Variants in TGDS observed in about 807,000 individuals in gnomAD.
TGDS encodes UDP-D-glucose 4,6-dehydratase.
Under a neutral mutation model 52.3 loss-of-function variants are expected in TGDS, and 47 were observed. The ratio of observed to expected loss-of-function variants is 0.90; its 90% CI spans 0.71 to 1.15. The LOEUF is 1.15. Among genes scored for constraint, TGDS ranks in the 50% most tolerant of loss-of-function variants. The probability of loss-of-function intolerance (pLI) is 0.00; values close to 1 mark genes in which losing one functional copy is unlikely to be tolerated. For missense variants in TGDS, 375 were observed against 418.4 expected (o/e 0.90, Z 0.90); for synonymous variants, 115 against 136.9 (o/e 0.84, Z 1.12).
chr13:94,581,684 T>C (rs1888799688), intron 5 of TGDS, among the ~76,000 whole-genome samples: 1 of 152,218 alleles, frequency 6.6e-6, no homozygotes, highest in Non-Finnish European at 1.5e-5. Flanking sequence ...GGAAGCAGAA[T>C]TGAAAATTGA....
At chr13:94,579,708 T>C (rs765658054) in intron 7 of TGDS, 186 bp downstream of exon 7, 3 of 463,224 alleles carry the variant, frequency 6.5e-6, no homozygotes, top group Non-Finnish European at 7.6e-6. Flanking sequence ...TCAGCCAGCT[T>C]GAGACTTAAA....
chr13:94,583,424 T>C (rs982526231), intron 4 of TGDS, among the ~76,000 whole-genome samples, 188 bp from the exon 5 acceptor site: 1 of 152,230 alleles, frequency 6.6e-6, no homozygotes, highest in African/African-American at 2.4e-5. Context: ...ACATAGTACA[T>C]GTAAATTCTC....
chr13:94,583,836 C>T (rs888164247), intron 4 of TGDS, among the ~76,000 whole-genome samples: 1 of 152,018 alleles, frequency 6.6e-6, no homozygotes, highest in Non-Finnish European at 1.5e-5. Context: ...GGGTTAGTAT[C>T]GTCAATTTAT....
rs1888596898 is a variant in TGDS at position 94,576,337 on chromosome 13, C to T, written c.959G>A (p.Trp320Ter). 2.5e-6 allele frequency: 4 copies of T among 1,601,834 alleles called. No individual in the cohort carries two copies. Among genetic ancestry groups the T allele is most frequent in the Non-Finnish European group, 3.4e-6 (4 of 1,174,364 alleles). The stretch of plus-strand genomic sequence containing the variant: ...ACTTGTTTTCTTTATTCCTTCTTTC[C>T]AAGGCACTTTAGGTCTCCATCCTAA... ...HGLGWRPKVP[W>*]KEGIKKTIEW... Residue 320 changes from tryptophan to a stop codon, truncating the protein, a stop_gained, in exon 11 of 12, where the codon TGG becomes TAG. Transcript: ENST00000261296. LOFTEE classifies it high-confidence loss of function.
intron 4 of TGDS, among the ~76,000 whole-genome samples, chr13:94,583,607 A>G (rs1217357412): frequency 6.6e-6 from 1 of 152,200 alleles, no homozygotes; most frequent in Non-Finnish European, 1.5e-5. Flanking sequence ...TAAATGCTGA[A>G]TGAGTTATTT....
intron 10 of TGDS, among the ~76,000 whole-genome samples, chr13:94,576,995 G>A (rs1888624101): frequency 6.6e-6 from 1 of 151,970 alleles, no homozygotes; most frequent in South Asian, 2.1e-4. Context: ...CAGCTACTCG[G>A]GAGGCTGAGG....
chr13:94,586,940 T>A (rs1013859354), intron 4 of TGDS, among the ~76,000 whole-genome samples: 4 of 151,908 alleles, frequency 2.6e-5, no homozygotes, highest in African/African-American at 4.8e-5. Flanking sequence ...TTTATTATTA[T>A]TTTTTGTACA....
chr13:94,583,066 A>C (rs748054538), intron 5 of TGDS, 28 bp downstream of exon 5: 16 of 1,607,068 alleles, frequency 1.0e-5, no homozygotes, highest in Non-Finnish European at 1.3e-5. Flanking sequence ...ATGGTTAAGT[A>C]GGTAAAATAT....
chr13:94,583,464 A>G (rs541646203), intron 4 of TGDS, among the ~76,000 whole-genome samples: 70 of 152,232 alleles, frequency 4.6e-4, no homozygotes, highest in Non-Finnish European at 7.6e-4. Flanking sequence ...TTAAATTTGC[A>G]GGAAAGTTTT....
At chr13:94,595,645 T>G (rs1889347796) in intron 1 of TGDS, among the ~76,000 whole-genome samples, 1 of 152,194 alleles carries the variant, frequency 6.6e-6, no homozygotes, top group African/African-American at 2.4e-5. Flanking sequence ...GTTTGCTGAT[T>G]ACATAGATGT....
intron 9 of TGDS, among the ~76,000 whole-genome samples, chr13:94,577,690 T>G (rs1313578626): frequency 1.3e-5 from 2 of 152,186 alleles, no homozygotes; most frequent in African/African-American, 4.8e-5. Flanking sequence ...CTAATATACA[T>G]GGACATTCAT....
At chr13:94,587,853 C>T (rs1322670407) in intron 4 of TGDS, among the ~76,000 whole-genome samples, 8 of 151,048 alleles carry the variant, frequency 5.3e-5, no homozygotes, top group Non-Finnish European at 1.0e-4. Context: ...AAAAATTAGC[C>T]GGGTGTGGTG....
At chr13:94,592,834 C>G (rs1889253269) in intron 2 of TGDS, among the ~76,000 whole-genome samples, 1 of 152,068 alleles carries the variant, frequency 6.6e-6, no homozygotes, top group East Asian at 1.9e-4. Context: ...CAAAACAAAA[C>G]AAAAACCTTT....
intron 6 of TGDS, among the ~76,000 whole-genome samples, chr13:94,580,663 C>T (rs925578906): frequency 6.6e-6 from 1 of 152,178 alleles, no homozygotes; most frequent in Non-Finnish European, 1.5e-5. Flanking sequence ...ATAGCTGTAA[C>T]ACTCTACCTA....
intron 4 of TGDS, among the ~76,000 whole-genome samples, chr13:94,590,137 T>C (rs934811654): frequency 2.0e-5 from 3 of 148,690 alleles, no homozygotes; most frequent in Non-Finnish European, 4.5e-5. Context: ...TACATCGATT[T>C]TGAAAAAACA....
At chr13:94,590,548 C>G (rs942206847) in intron 4 of TGDS, among the ~76,000 whole-genome samples, 4 of 152,082 alleles carry the variant, frequency 2.6e-5, no homozygotes, top group African/African-American at 4.8e-5. Context: ...TGCATACCCA[C>G]AACAAAATTT....
At chr13:94,589,472 G>T (rs1305639782) in intron 4 of TGDS, among the ~76,000 whole-genome samples, 1 of 151,720 alleles carries the variant, frequency 6.6e-6, no homozygotes, top group Non-Finnish European at 1.5e-5. Context: ...CTGTCACCAC[G>T]CCCGGCTAAT....
intron 11 of TGDS, among the ~76,000 whole-genome samples, chr13:94,575,964 A>C (rs769951080): frequency 6.6e-6 from 1 of 152,208 alleles, no homozygotes; most frequent in Non-Finnish European, 1.5e-5. Context: ...TTTTACATAC[A>C]TGTAAAAAAG....
intron 4 of TGDS, among the ~76,000 whole-genome samples, chr13:94,585,958 C>T (rs1888966424): frequency 6.6e-6 from 1 of 151,750 alleles, no homozygotes; most frequent in Admixed American, 6.6e-5. Context: ...TCCAAGAGTA[C>T]AAACAGAACA....
Sources: allele counts gnomAD v4.1 joint callset (sites outside exome capture counted in the v4.1 genomes callset), GRCh38; gene constraint gnomAD v4.1.1; transcripts MANE v1.5; gene names NCBI Gene and HGNC (gene_info 2026-07-23, HGNC 2026-07-21).